MPPED2: variants seen among roughly 807,000 people sequenced by gnomAD.
MPPED2 encodes metallophosphoesterase domain containing 2, also known as metallophosphoesterase MPPED2.
MPPED2 carries 5 observed loss-of-function variants against 33.0 expected under a neutral mutation model. The ratio of observed to expected loss-of-function variants is 0.15; its 90% CI spans 0.08 to 0.32. The LOEUF (loss-of-function observed/expected upper bound fraction) is 0.32, where lower values mean the gene tolerates loss of function less well. Ranked by LOEUF, MPPED2 falls within the 10% of genes least tolerant of loss-of-function variation. MPPED2 has a pLI of 1.00. For synonymous variants in MPPED2, 136 were observed against 141.9 expected, an observed-to-expected ratio of 0.96 and a Z score of 0.29; for missense variants, 275 against 372.1, an observed-to-expected ratio of 0.74 and a Z score of 2.15.
intron 3 of MPPED2, among the ~76,000 whole-genome samples, chr11:30,532,663 CA>C (rs1245070906): frequency 1.3e-5 from 2 of 152,186 alleles, no homozygotes. Context: ...CACAACTTAA[CA>C]AAGGTAGTGA....
At chr11:30,398,463 T>C (rs967112225) in intron 6 of MPPED2, among the ~76,000 whole-genome samples, 1 of 152,028 alleles carries the variant, frequency 6.6e-6, no homozygotes, top group Non-Finnish European at 1.5e-5. Context: ...AGAAAGCTGA[T>C]CAGATGATTT....
intron 4 of MPPED2, among the ~76,000 whole-genome samples, chr11:30,486,219 A>G (rs893717127): frequency 1.3e-5 from 2 of 152,208 alleles, no homozygotes; most frequent in African/African-American, 2.4e-5. Context: ...GGCTGGAACC[A>G]AATAAATACA....
chr11:30,415,219 T>G (rs1309478043), intron 5 of MPPED2, among the ~76,000 whole-genome samples: 1 of 152,200 alleles, frequency 6.6e-6, no homozygotes, highest in Non-Finnish European at 1.5e-5. Flanking sequence ...ACTGCAGACA[T>G]GAACGTTTAG....
intron 2 of MPPED2, among the ~76,000 whole-genome samples, chr11:30,576,344 A>T (rs1956930786): frequency 6.6e-6 from 1 of 152,206 alleles, no homozygotes. Context: ...GAACAAGTGC[A>T]GTGTAAGATT....
intron 4 of MPPED2, among the ~76,000 whole-genome samples, chr11:30,453,495 G>A (rs551255799): frequency 6.6e-6 from 1 of 152,312 alleles, no homozygotes; most frequent in East Asian, 1.9e-4. Flanking sequence ...AAGACTGCCT[G>A]TTTTTGTAAA....
chr11:30,503,435 C>G (rs1207738463), intron 3 of MPPED2, among the ~76,000 whole-genome samples: 2 of 152,136 alleles, frequency 1.3e-5, no homozygotes, highest in South Asian at 2.1e-4. Context: ...TCCCCATGAA[C>G]AGGGAATATG....
At chr11:30,397,796 C>T (rs1947856957) in intron 6 of MPPED2, among the ~76,000 whole-genome samples, 1 of 152,136 alleles carries the variant, frequency 6.6e-6, no homozygotes, top group Admixed American at 6.6e-5. Flanking sequence ...TCTTGTCCTG[C>T]TGTTTTAACA....
intron 2 of MPPED2, among the ~76,000 whole-genome samples, chr11:30,536,763 C>G (rs1050709283): frequency 1.3e-5 from 2 of 151,158 alleles, no homozygotes; most frequent in African/African-American, 4.9e-5. Context: ...GAAGGTGATG[C>G]CAAAATAACA....
chr11:30,529,253 G>A (rs1052223569), intron 3 of MPPED2, among the ~76,000 whole-genome samples: 1 of 152,074 alleles, frequency 6.6e-6, no homozygotes, highest in Non-Finnish European at 1.5e-5. Flanking sequence ...GAAACAGAAA[G>A]TAGAAAAAAT....
intron 2 of MPPED2, among the ~76,000 whole-genome samples, chr11:30,561,140 A>G (rs1427979600): frequency 6.6e-6 from 1 of 152,204 alleles, no homozygotes; most frequent in East Asian, 1.9e-4. Flanking sequence ...GGGTGTGCAT[A>G]TACACACACA....
intron 2 of MPPED2, among the ~76,000 whole-genome samples, chr11:30,566,083 A>C (rs1225953583): frequency 6.6e-6 from 1 of 152,136 alleles, no homozygotes; most frequent in Non-Finnish European, 1.5e-5. Flanking sequence ...CTTATTCAAA[A>C]CGCATGATTC....
intron 4 of MPPED2, among the ~76,000 whole-genome samples, chr11:30,477,152 C>T (rs1205000600): frequency 2.0e-5 from 3 of 152,016 alleles, no homozygotes; most frequent in African/African-American, 7.2e-5. Flanking sequence ...AATGACAACC[C>T]TGTCATCTGC....
chr11:30,578,608 G>T (rs1015107279), intron 2 of MPPED2, among the ~76,000 whole-genome samples: 2 of 152,172 alleles, frequency 1.3e-5, no homozygotes, highest in Non-Finnish European at 2.9e-5. Context: ...ACTAAGCTGA[G>T]GTTCCCCAGC....
At chr11:30,483,512 G>A (rs775039572) in intron 4 of MPPED2, among the ~76,000 whole-genome samples, 1 of 152,146 alleles carries the variant, frequency 6.6e-6, no homozygotes, top group Non-Finnish European at 1.5e-5. Flanking sequence ...GTGGGAGAGA[G>A]ACTTCTGCCA....
intron 4 of MPPED2, among the ~76,000 whole-genome samples, chr11:30,486,778 C>G (rs1324441194): frequency 6.6e-6 from 1 of 152,172 alleles, no homozygotes; most frequent in Non-Finnish European, 1.5e-5. Flanking sequence ...AATCTAGGTA[C>G]ATGTACCTTG....
chr11:30,457,456 C>G (rs1451594549), intron 4 of MPPED2, among the ~76,000 whole-genome samples: 1 of 151,948 alleles, frequency 6.6e-6, no homozygotes, highest in Admixed American at 6.5e-5. Context: ...AAAATTACCC[C>G]CTTTGTATTT....
At chr11:30,513,221 C>G (rs1186017025) in intron 3 of MPPED2, among the ~76,000 whole-genome samples, 1 of 152,170 alleles carries the variant, frequency 6.6e-6, no homozygotes, top group Non-Finnish European at 1.5e-5. Flanking sequence ...AGTCCAGAGA[C>G]AGGAGTCCTC....
At chr11:30,495,023 C>T (rs1952189548) in intron 4 of MPPED2, 1 of 409,726 alleles carries the variant, frequency 2.4e-6, no homozygotes, top group African/African-American at 2.0e-5. Context: ...GTGGGAGGTC[C>T]TGGACCAATA....
intron 3 of MPPED2, among the ~76,000 whole-genome samples, chr11:30,525,274 T>A (rs2134404945): frequency 6.6e-6 from 1 of 152,312 alleles, no homozygotes; most frequent in Admixed American, 6.5e-5. Context: ...ACACAAATAA[T>A]CTTCTGAGGA....
Sources: gnomAD v4.1 joint callset for allele counts (sites outside exome capture counted in the v4.1 genomes callset) on GRCh38, gnomAD v4.1.1 for gene constraint, MANE v1.5 for transcripts, NCBI Gene and HGNC (gene_info 2026-07-23, HGNC 2026-07-21) for gene names.